Variants in CDC42BPB observed in about 807,000 individuals in gnomAD.
CDC42BPB encodes the protein serine/threonine-protein kinase MRCK beta.
CDC42BPB carries 37 observed loss-of-function variants against 214.9 expected under a neutral mutation model. The ratio of observed to expected loss-of-function variants is 0.17; its 90% confidence interval spans 0.13 to 0.23. CDC42BPB has a LOEUF of 0.23. Among genes scored for constraint, CDC42BPB ranks in the 10% least tolerant of loss-of-function variants. CDC42BPB has a pLI of 1.00. For missense variants in CDC42BPB, 1,694 were observed against 2,227.0 expected (o/e 0.76, Z 4.82); for synonymous variants, 931 against 884.0 (o/e 1.05, Z -0.94).
At position 102,975,711 on chromosome 14, in the gene CDC42BPB, TTTC is replaced by T; in HGVS notation, c.1477_1479del (p.Glu493del). The T allele has an allele frequency of 6.2e-7, 1 of 1,614,020 alleles. No homozygotes were observed. Among genetic ancestry groups the T allele is most frequent in the Non-Finnish European group, 8.5e-7 (1 of 1,179,860 alleles). On this transcript the variant is annotated inframe_deletion, in exon 11 of 37. Transcript: ENST00000361246. The stretch of plus-strand genomic sequence containing the variant: ...GCTATTTTATTCTTCAAGCGTTCGA[TTTC>T]TTCATTTAGCTTTTTGATTTCTTTA...
intron 1 of CDC42BPB, among the ~76,000 whole-genome samples, chr14:103,027,641 A>G (rs1887125544): frequency 6.6e-6 from 1 of 152,222 alleles, no homozygotes; most frequent in African/African-American, 2.4e-5. Context: ...GTATGATTCC[A>G]TTTATATAAA....
chr14:102,970,504 G>T, intron 13 of CDC42BPB: 2 of 366,196 alleles, frequency 5.5e-6, no homozygotes, highest in Non-Finnish European at 7.6e-6. Flanking sequence ...TTTCAAGAAA[G>T]GATACATTTC....
intron 27 of CDC42BPB, 36 bp downstream of exon 27, chr14:102,947,685 T>C (rs1057169481): frequency 1.3e-5 from 20 of 1,521,160 alleles, no homozygotes; most frequent in East Asian, 2.3e-5. Context: ...GTTTTAACCA[T>C]GTGCTTTGTT....
Position 102,938,086 on chromosome 14 carries a change from G to C in CDC42BPB, c.5004+18C>G. 6.2e-7 allele frequency: 1 copy of C among 1,613,144 alleles called. No homozygotes were observed. Among genetic ancestry groups the C allele is most frequent in the Non-Finnish European group, 8.5e-7 (1 of 1,179,460 alleles). ...GTGGTGGCTCATAGCCTCAGCACTGGACCTGGGCAAGTCTCACCTCTTTGT... is the reference window on the plus strand; with the variant it reads ...GTGGTGGCTCATAGCCTCAGCACTGCACCTGGGCAAGTCTCACCTCTTTGT... On this transcript the variant is annotated intron_variant, in intron 36 of 36. Transcript: ENST00000361246.
intron 5 of CDC42BPB, among the ~76,000 whole-genome samples, chr14:102,987,709 C>A (rs1422948316): frequency 6.6e-6 from 1 of 151,898 alleles, no homozygotes; most frequent in Non-Finnish European, 1.5e-5. Flanking sequence ...ATGTAACACT[C>A]CAAACTAAAA....
At chr14:103,037,221 C>T (rs535584086) in intron 1 of CDC42BPB, among the ~76,000 whole-genome samples, 9 of 152,258 alleles carry the variant, frequency 5.9e-5, no homozygotes, top group African/African-American at 1.9e-4. Context: ...ATAATAAACT[C>T]GGGGGAAGGA....
chr14:102,939,218 C>T (rs1404567863), intron 34 of CDC42BPB, among the ~76,000 whole-genome samples: 1 of 152,234 alleles, frequency 6.6e-6, no homozygotes, highest in Admixed American at 6.5e-5. Flanking sequence ...GGATTACAGG[C>T]ATGAGCCACC....
intron 4 of CDC42BPB, among the ~76,000 whole-genome samples, chr14:103,003,117 C>T (rs1472498696): frequency 6.6e-6 from 1 of 152,154 alleles, no homozygotes; most frequent in Non-Finnish European, 1.5e-5. Context: ...ACGCCCCTCT[C>T]GCCACCACTG....
chr14:102,947,892 T>G (rs1892256791), intron 26 of CDC42BPB, 90 bp from the exon 27 acceptor site: 2 of 1,598,178 alleles, frequency 1.3e-6, no homozygotes, highest in South Asian at 2.2e-5. Flanking sequence ...CCCTGCCATG[T>G]CCTTCCACCA....
intron 1 of CDC42BPB, among the ~76,000 whole-genome samples, chr14:103,045,077 TAAATTCGGCTCACCAGTTTTTTA>T (rs1231295521): frequency 2.0e-5 from 3 of 151,604 alleles, no homozygotes; most frequent in African/African-American, 7.3e-5. Flanking sequence ...TATTGAAAAA[TAAATTCGGCTCACCAGTTTTTTA>T]AACAAAGTGA....
intron 29 of CDC42BPB, 100 bp downstream of exon 29, chr14:102,945,562 C>T (rs954821602): frequency 1.7e-5 from 18 of 1,079,576 alleles, no homozygotes; most frequent in African/African-American, 3.1e-5. Context: ...CTTCATCAAG[C>T]GCATTTGTCT....
At chr14:102,965,892 G>T (rs1192470688) in intron 18 of CDC42BPB, among the ~76,000 whole-genome samples, 2 of 152,228 alleles carry the variant, frequency 1.3e-5, no homozygotes, top group African/African-American at 4.8e-5. Flanking sequence ...GGGAGGCGGA[G>T]GTTGCAGTAA....
intron 21 of CDC42BPB, among the ~76,000 whole-genome samples, chr14:102,957,886 C>A (rs149716845): frequency 6.6e-6 from 1 of 152,342 alleles, no homozygotes; most frequent in African/African-American, 2.4e-5. Flanking sequence ...CTGGGCAGGC[C>A]GGCCTCTGTG....
intron 12 of CDC42BPB, among the ~76,000 whole-genome samples, chr14:102,972,494 C>T (rs1893522199): frequency 6.6e-6 from 1 of 152,014 alleles, no homozygotes; most frequent in Admixed American, 6.6e-5. Flanking sequence ...CGAGACCATC[C>T]TGGCTAACAC....
chr14:103,008,935 C>A (rs1362188046), intron 2 of CDC42BPB, among the ~76,000 whole-genome samples: 1 of 152,236 alleles, frequency 6.6e-6, no homozygotes, highest in African/African-American at 2.4e-5. Context: ...CAGCCACATT[C>A]TTTAAAGAAC....
Position 102,935,576 on chromosome 14 carries a change from G to C in CDC42BPB, c.5005-1733C>G, listed in dbSNP as rs575390011. Among the ~76,000 whole-genome samples, 29 of 152,214 alleles carry C rather than the reference G, an allele frequency of 1.9e-4. No homozygotes were observed. In the East Asian group the frequency reaches 5.6e-3, roughly 29 times the overall value. ...AGGCCAAGGCGGGCAGATCACTTGA[G>C]GTCAGGAGTTTGAGACCAGTCTGGC... On this transcript the variant is annotated intron_variant, in intron 36 of 36. Coordinates refer to ENST00000361246, the MANE Select transcript of CDC42BPB (RefSeq NM_006035.4).
At chr14:103,034,043 T>C (rs1477783031) in intron 1 of CDC42BPB, among the ~76,000 whole-genome samples, 3 of 152,226 alleles carry the variant, frequency 2.0e-5, no homozygotes, top group Admixed American at 6.5e-5. Context: ...CATATCTGTC[T>C]CCATCTCCTG....
At chr14:103,055,229 C>T (rs909761213) in intron 1 of CDC42BPB, among the ~76,000 whole-genome samples, 1 of 152,208 alleles carries the variant, frequency 6.6e-6, no homozygotes, top group Non-Finnish European at 1.5e-5. Flanking sequence ...ACAAGACCAG[C>T]CTGGCCAACA....
At chr14:103,055,792 G>A (rs899974496) in intron 1 of CDC42BPB, among the ~76,000 whole-genome samples, 2 of 131,744 alleles carry the variant, frequency 1.5e-5, no homozygotes, top group African/African-American at 7.5e-5. Flanking sequence ...GAGTAGAGTA[G>A]GAGGCCTGGA....
Sources: allele counts gnomAD v4.1 joint callset (sites outside exome capture counted in the v4.1 genomes callset), GRCh38; gene constraint gnomAD v4.1.1; transcripts MANE v1.5; gene names NCBI Gene and HGNC (gene_info 2026-07-23, HGNC 2026-07-21).